Variants in RGS17 observed in about 807,000 individuals in gnomAD.
RGS17 encodes the protein regulator of G-protein signaling 17.
A neutral mutation model predicts 25.5 loss-of-function variants in RGS17; 12 were observed. That is an observed-to-expected ratio of 0.47 (90% CI 0.30 to 0.76). The LOEUF (loss-of-function observed/expected upper bound fraction) is 0.76, where lower values mean the gene tolerates loss of function less well. RGS17 is among the 30% of genes least tolerant of loss of function. RGS17 has a pLI of 0.07. For missense variants in RGS17, 196 were observed against 242.2 expected (o/e 0.81, Z 1.27); for synonymous variants, 71 against 76.9 (o/e 0.92, Z 0.40).
At chr6:153,111,193 C>T (rs1252111823) in intron 1 of RGS17, among the ~76,000 whole-genome samples, 1 of 152,212 alleles carries the variant, frequency 6.6e-6, no homozygotes, top group Non-Finnish European at 1.5e-5. Flanking sequence ...GCTCCACTGG[C>T]TTGAAATTCT....
chr6:153,115,061 T>C (rs1013431402), intron 1 of RGS17, among the ~76,000 whole-genome samples: 1 of 152,046 alleles, frequency 6.6e-6, no homozygotes, highest in Admixed American at 6.6e-5. Context: ...TTCAACATAG[T>C]ATTGGAAGTT....
At chr6:153,090,518 C>T (rs1777112952) in intron 1 of RGS17, among the ~76,000 whole-genome samples, 1 of 150,474 alleles carries the variant, frequency 6.6e-6, no homozygotes, top group Non-Finnish European at 1.5e-5. Flanking sequence ...ACTCAGGAGA[C>T]TGAGGCAGGA....
chr6:153,035,169 T>C (rs1180182025), intron 2 of RGS17, among the ~76,000 whole-genome samples: 1 of 151,212 alleles, frequency 6.6e-6, no homozygotes, highest in South Asian at 2.1e-4. Context: ...AAAAAAAGTA[T>C]ATTGCTTTAT....
chr6:153,094,262 A>T (rs572752745), intron 1 of RGS17, among the ~76,000 whole-genome samples: 4 of 151,958 alleles, frequency 2.6e-5, no homozygotes, highest in Non-Finnish European at 5.9e-5. Flanking sequence ...TTTTTTTAGC[A>T]GAGATGGGGT....
chr6:153,019,541 T>C (rs1779218497), intron 4 of RGS17, among the ~76,000 whole-genome samples: 1 of 152,156 alleles, frequency 6.6e-6, no homozygotes, highest in Admixed American at 6.5e-5. Flanking sequence ...TGGGGGCAGA[T>C]TTCTCATGAA....
At position 153,089,795 on chromosome 6, in the gene RGS17, T is replaced by G. The variant is rs992853585; in HGVS notation, c.-26+41329A>C. ...TTTAAAAAACACCTATACCTGTATA[T>G]GTAATATAAGTATATATAATTTTAA... is the stretch of plus-strand genomic sequence containing the variant. On this transcript the variant is annotated intron_variant, in intron 1 of 4. Coordinates refer to ENST00000206262, the MANE Select transcript of RGS17 (RefSeq NM_012419.5). Among the ~76,000 whole-genome samples the G allele has an allele frequency of 3.3e-5, 5 of 152,310 alleles. No homozygotes were observed. In the East Asian group the frequency reaches 9.6e-4, roughly 29 times the overall value.
rs557380150 is a variant in RGS17, at chr6:153,050,197, G to C, written c.-25-6154C>G. 2.0e-5 allele frequency among the ~76,000 whole-genome samples: 3 copies of C among 152,190 alleles called. No homozygotes were observed. The East Asian group carries it at 5.8e-4, about 29-fold the overall frequency. On this transcript the variant is annotated intron_variant, in intron 1 of 4. Coordinates refer to ENST00000206262, the MANE Select transcript of RGS17 (RefSeq NM_012419.5). The stretch of plus-strand genomic sequence containing the variant: ...ATTCTAAAACTGTCATAAAAACGTA[G>C]ACTATAGCTTCAGAGCAGAAAAGGA...
intron 1 of RGS17, among the ~76,000 whole-genome samples, chr6:153,051,858 AG>A (rs1776465517): frequency 6.6e-6 from 1 of 152,234 alleles, no homozygotes; most frequent in African/African-American, 2.4e-5. Flanking sequence ...TAAGGAGATT[AG>A]TATGGTGTGA....
Position 153,107,742 on chromosome 6 carries a change from C to T in RGS17, c.-26+23382G>A, listed in dbSNP as rs368764330. 1.1e-3 allele frequency among the ~76,000 whole-genome samples: 160 copies of T among 152,294 alleles called. 2 individuals are homozygous for T. Among genetic ancestry groups the T allele is most frequent in the African/African-American group, 3.7e-3 (153 of 41,576 alleles). ...GCAAGTGTTGGTTGGGTACCTGCTA[C>T]GTCTTCTCCACATCTATCATTTCAA... On this transcript the variant is annotated intron_variant, in intron 1 of 4. Coordinates refer to ENST00000206262, the MANE Select transcript of RGS17 (RefSeq NM_012419.5).
rs1217064109 is a variant in RGS17 at position 153,130,477 on chromosome 6, T to TAC, written c.-26+645_-26+646dup. Reference sequence around the variant, plus strand: ...AGACCCCCCACCCCCTATACATACATACACATACACACACACACACACACA... The same window carrying TAC: ...AGACCCCCCACCCCCTATACATACATACACACATACACACACACACACACACA... On this transcript the variant is annotated intron_variant, in intron 1 of 4. Coordinates refer to ENST00000206262, the MANE Select transcript of RGS17 (RefSeq NM_012419.5). This position sits in a 1 kb window ranked among gnomAD's most constrained non-coding sequence, Gnocchi z 6.4. 8.4e-6 allele frequency among the ~76,000 whole-genome samples: 1 copy of TAC among 118,724 alleles called. No individual in the cohort carries two copies. Among genetic ancestry groups the TAC allele is most frequent in the Non-Finnish European group, 1.8e-5 (1 of 56,988 alleles). 77.9% of individuals were successfully genotyped at this position (118,724 alleles called of 152,430 possible).
chr6:153,048,232 GAAT>G, intron 1 of RGS17, among the ~76,000 whole-genome samples: 1 of 152,148 alleles, frequency 6.6e-6, no homozygotes, highest in East Asian at 1.9e-4. Flanking sequence ...CAATTTTACT[GAAT>G]GAAAAGCCTC....
chr6:153,091,507 CTG>C (rs1777130532), intron 1 of RGS17, among the ~76,000 whole-genome samples: 1 of 150,022 alleles, frequency 6.7e-6, no homozygotes, highest in Non-Finnish European at 1.5e-5. Context: ...GAGTCTCACT[CTG>C]TCACACAGGC....
chr6:153,020,106 AAAAAAATATATATAT>A (rs1444713699), intron 4 of RGS17, among the ~76,000 whole-genome samples: 13 of 32,766 alleles, frequency 4.0e-4, no homozygotes, highest in African/African-American at 1.4e-3. Flanking sequence ...ATCTTAAAAA[AAAAAAATATATATAT>A]ATATATATAT....
At chr6:153,054,019 T>C (rs1274382869) in intron 1 of RGS17, among the ~76,000 whole-genome samples, 6,336 of 32,716 alleles carry the variant, frequency 0.19, 1,396 homozygotes, top group African/African-American at 0.3. Flanking sequence ...CGTATATATG[T>C]ATATAATATA....
intron 4 of RGS17, among the ~76,000 whole-genome samples, chr6:153,021,941 C>A (rs1487774678): frequency 6.6e-6 from 1 of 152,176 alleles, no homozygotes; most frequent in African/African-American, 2.4e-5. Context: ...GGCGCAGTGG[C>A]TCACACCCGT....
At chr6:153,114,427 A>T (rs1777516092) in intron 1 of RGS17, among the ~76,000 whole-genome samples, 1 of 152,190 alleles carries the variant, frequency 6.6e-6, no homozygotes, top group Admixed American at 6.5e-5. Flanking sequence ...TCTGAAACTG[A>T]GGCAGTAATT....
At chr6:153,126,452 G>A (rs1584170294) in intron 1 of RGS17, among the ~76,000 whole-genome samples, 1 of 152,288 alleles carries the variant, frequency 6.6e-6, no homozygotes, top group Non-Finnish European at 1.5e-5. Context: ...TAGCCACAGT[G>A]ATCTTTGTCA....
chr6:153,021,934 G>A (rs1197510284), intron 4 of RGS17, among the ~76,000 whole-genome samples: 6 of 152,178 alleles, frequency 3.9e-5, no homozygotes, highest in East Asian at 1.9e-4. Flanking sequence ...ACGGCCAGGC[G>A]CAGTGGCTCA....
chr6:153,109,983 C>T (rs369421709), intron 1 of RGS17, among the ~76,000 whole-genome samples: 1 of 152,224 alleles, frequency 6.6e-6, no homozygotes, highest in Admixed American at 6.5e-5. Context: ...AAATGATATA[C>T]TGTTTCCTAA....
Sources: allele counts gnomAD v4.1 joint callset (sites outside exome capture counted in the v4.1 genomes callset), GRCh38; gene constraint gnomAD v4.1.1; non-coding constraint Gnocchi (gnomAD v3.1); transcripts MANE v1.5; gene names NCBI Gene and HGNC (gene_info 2026-07-23, HGNC 2026-07-21).